Variants in CTNNA1 observed in about 807,000 individuals in gnomAD.
CTNNA1 encodes catenin alpha-1.
In CTNNA1, 37 loss-of-function variants were observed where a neutral mutation model predicts 98.4. The observed-to-expected ratio is 0.38, with a 90% CI of 0.29 to 0.49. The LOEUF is 0.49. CTNNA1 is among the 20% of genes least tolerant of loss of function. The pLI, the probability that CTNNA1 is intolerant of heterozygous loss-of-function variation, is 0.95. For missense variants in CTNNA1, 761 were observed against 1,147.2 expected, an observed-to-expected ratio of 0.66 and a Z score of 4.86; for synonymous variants, 404 against 413.2, an observed-to-expected ratio of 0.98 and a Z score of 0.27.
chr5:138,812,085 G>A, intron 4 of CTNNA1, 98 bp from the exon 5 acceptor site: 1 of 1,101,324 alleles, frequency 9.1e-7, no homozygotes, highest in Non-Finnish European at 1.3e-6. Flanking sequence ...GTTGCTTTTT[G>A]AGTAGTTGTT....
In CTNNA1 at chr5:138,931,187, CCCTCTG is replaced by C. The variant is rs1765224713; in HGVS notation, c.2298+253_2298+258del. ...TCTTATGTCTCAGTTCCCTCTCTCC[CCCTCTG>C]GGCAGGGGCCGAGAGCAGCCAGAAG... On this transcript the variant is annotated intron_variant, in intron 16 of 17. Coordinates refer to ENST00000302763, the MANE Select transcript of CTNNA1 (RefSeq NM_001903.5). 9 of 459,686 alleles carry C rather than the reference CCCTCTG, an allele frequency of 2.0e-5. No individual in the cohort carries two copies. The South Asian group carries it at 2.2e-4, about 11-fold the overall frequency. 28.5% of individuals were successfully genotyped at this position (459,686 alleles called of 1,614,324 possible). A position where few individuals can be genotyped will look rare whatever the true frequency, so the allele number is the denominator to read the frequency against.
intron 10 of CTNNA1, among the ~76,000 whole-genome samples, chr5:138,909,892 G>A (rs1018353051): frequency 2.6e-5 from 4 of 152,094 alleles, no homozygotes; most frequent in East Asian, 1.9e-4. Context: ...CATACAGGAC[G>A]GGGCAGACCT....
intron 5 of CTNNA1, 24 bp downstream of exon 5, chr5:138,812,326 A>G (rs770436864): frequency 1.2e-5 from 19 of 1,598,546 alleles, no homozygotes. Flanking sequence ...TTGGGGATAT[A>G]TTAAAGTTGT....
intron 3 of CTNNA1, among the ~76,000 whole-genome samples, chr5:138,783,802 G>A (rs986355354): frequency 6.6e-6 from 1 of 152,148 alleles, no homozygotes; most frequent in Non-Finnish European, 1.5e-5. Flanking sequence ...GTGATAAAAT[G>A]GAAAAATATC....
intron 3 of CTNNA1, among the ~76,000 whole-genome samples, chr5:138,789,684 C>A (rs1184653235): frequency 1.3e-5 from 2 of 152,182 alleles, no homozygotes; most frequent in African/African-American, 4.8e-5. Context: ...TCTCAAACTC[C>A]TGACCTCGTG....
chr5:138,786,503 C>G (rs969062805), intron 3 of CTNNA1, among the ~76,000 whole-genome samples: 7 of 152,142 alleles, frequency 4.6e-5, no homozygotes, highest in African/African-American at 1.7e-4. Flanking sequence ...AAAAATAGAG[C>G]CTAACCCTTG....
chr5:138,768,143 GTAT>G (rs1753137915), intron 1 of CTNNA1, among the ~76,000 whole-genome samples: 1 of 152,282 alleles, frequency 6.6e-6, no homozygotes, highest in East Asian at 1.9e-4. Flanking sequence ...TTCGATTGTC[GTAT>G]GTCTTTAGCC....
chr5:138,792,842 T>G (rs920823666), intron 3 of CTNNA1, among the ~76,000 whole-genome samples: 2 of 152,234 alleles, frequency 1.3e-5, no homozygotes, highest in Non-Finnish European at 1.5e-5. Flanking sequence ...GTTAATTAGC[T>G]TTTCAGATTA....
At chr5:138,899,690 C>T (rs1421175340) in intron 9 of CTNNA1, among the ~76,000 whole-genome samples, 1 of 152,162 alleles carries the variant, frequency 6.6e-6, no homozygotes, top group Non-Finnish European at 1.5e-5. Context: ...TGCAAAACCC[C>T]CCACCACCCA....
At chr5:138,753,631 G>A in intron 1 of CTNNA1, 121 bp downstream of exon 1, 1 of 352,032 alleles carries the variant, frequency 2.8e-6, no homozygotes, top group Non-Finnish European at 5.1e-6. Flanking sequence ...GCGGGGCGCG[G>A]TTTCTTTGGC....
At chr5:138,777,684 C>T (rs926068126) in intron 1 of CTNNA1, among the ~76,000 whole-genome samples, 2 of 151,872 alleles carry the variant, frequency 1.3e-5, no homozygotes, top group East Asian at 2.0e-4. Context: ...AGTGAAACCC[C>T]GTCTCCACCA....
At chr5:138,926,241 T>C (rs1399471712) in intron 13 of CTNNA1, among the ~76,000 whole-genome samples, 1 of 152,186 alleles carries the variant, frequency 6.6e-6, no homozygotes, top group East Asian at 1.9e-4. Context: ...CCTCCCCATG[T>C]GTCACTCAGC....
chr5:138,763,329 AT>A (rs1752572195), intron 1 of CTNNA1, among the ~76,000 whole-genome samples: 1 of 152,206 alleles, frequency 6.6e-6, no homozygotes, highest in Non-Finnish European at 1.5e-5. Context: ...GCTCTGTTAC[AT>A]GCATTCTTTC....
intron 3 of CTNNA1, among the ~76,000 whole-genome samples, chr5:138,792,450 A>T (rs565099798): frequency 6.6e-6 from 1 of 152,328 alleles, no homozygotes; most frequent in East Asian, 1.9e-4. Flanking sequence ...TGGAAGATAG[A>T]TGTTAAAAGA....
chr5:138,754,335 C>T (rs1006910443), intron 1 of CTNNA1: 1 of 151,986 alleles, frequency 6.6e-6, no homozygotes, highest in Non-Finnish European at 1.5e-5. Context: ...AATGCCTGAC[C>T]TTTGCTTGGC....
At chr5:138,931,989 G>T in intron 16 of CTNNA1, 1 of 985,488 alleles carries the variant, frequency 1.0e-6, no homozygotes, top group Non-Finnish European at 1.2e-6. Context: ...AGCGAGACAG[G>T]AACTGGGCAG....
chr5:138,854,405 T>C (rs541563004), intron 7 of CTNNA1, among the ~76,000 whole-genome samples: 2 of 152,334 alleles, frequency 1.3e-5, no homozygotes, highest in African/African-American at 4.8e-5. Flanking sequence ...TGTCTTGATC[T>C]GGGGCCATTT....
chr5:138,837,734 A>G (rs1337557281), intron 7 of CTNNA1, among the ~76,000 whole-genome samples: 1 of 151,520 alleles, frequency 6.6e-6, no homozygotes, highest in Non-Finnish European at 1.5e-5. Flanking sequence ...TGATTCTGCC[A>G]TCTCAGCTTC....
chr5:138,759,940 G>A (rs994225532), intron 1 of CTNNA1, among the ~76,000 whole-genome samples: 2 of 138,710 alleles, frequency 1.4e-5, no homozygotes, highest in African/African-American at 5.5e-5. Context: ...TTCCTACTCT[G>A]CTGTTTTAGA....
Sources: allele counts gnomAD v4.1 joint callset (sites outside exome capture counted in the v4.1 genomes callset), GRCh38; gene constraint gnomAD v4.1.1; transcripts MANE v1.5; gene names NCBI Gene and HGNC (gene_info 2026-07-23, HGNC 2026-07-21).